HAVCR1: variants seen among roughly 807,000 people sequenced by gnomAD.
HAVCR1 encodes the protein T cell immunoglobin domain and mucin domain protein 1.
HAVCR1 carries 34 observed loss-of-function variants against 32.0 expected under a neutral mutation model. The ratio of observed to expected loss-of-function variants is 1.06; its 90% CI spans 0.81 to 1.42. The LOEUF (loss-of-function observed/expected upper bound fraction) is 1.42, where lower values mean the gene tolerates loss of function less well. HAVCR1 is among the 40% of genes most tolerant of loss of function. HAVCR1 has a pLI of 0.00. For missense variants in HAVCR1, 420 were observed against 442.3 expected (o/e 0.95, Z 0.45); for synonymous variants, 178 against 170.3 (o/e 1.05, Z -0.35).
intron 4 of HAVCR1, 84 bp from the exon 5 acceptor site, chr5:157,049,229 A>G: frequency 2.3e-6 from 2 of 886,848 alleles, no homozygotes; most frequent in Non-Finnish European, 3.8e-6. Context: ...AACTAGAATC[A>G]GGAATTACCA....
chr5:157,041,328 T>C (rs1046246341), intron 6 of HAVCR1, among the ~76,000 whole-genome samples: 1 of 151,914 alleles, frequency 6.6e-6, no homozygotes, highest in African/African-American at 2.4e-5. Flanking sequence ...TGAAACCTCA[T>C]CTCTACTAAA....
At chr5:157,057,384 GAGGAAAGAAAGAAAGAAAGAAAGAAA>G (rs1344030387) in intron 2 of HAVCR1, among the ~76,000 whole-genome samples, 37 of 121,538 alleles carry the variant, frequency 3.0e-4, no homozygotes, top group African/African-American at 1.2e-3. Flanking sequence ...GAGAGAGAGA[GAGGAAAGAAAGAAAGAAAGAAAGAAA>G]GAAAGAAAGA....
intron 3 of HAVCR1, among the ~76,000 whole-genome samples, chr5:157,054,366 T>C (rs993459240): frequency 6.6e-6 from 1 of 151,874 alleles, no homozygotes; most frequent in Non-Finnish European, 1.5e-5. Context: ...TAGCTGGGTA[T>C]GGTGGTGCCT....
At chr5:157,030,248 TAG>T (rs573570674) in intron 8 of HAVCR1, among the ~76,000 whole-genome samples, 2 of 152,182 alleles carry the variant, frequency 1.3e-5, no homozygotes, top group African/African-American at 2.4e-5. Context: ...TGTGATCCTT[TAG>T]AGAGGGTTGT....
At chr5:157,031,161 T>C (rs1194755250) in intron 8 of HAVCR1, among the ~76,000 whole-genome samples, 2 of 152,168 alleles carry the variant, frequency 1.3e-5, no homozygotes, top group Non-Finnish European at 2.9e-5. Context: ...TTCCAATCTG[T>C]AAAATGAGAA....
upstream of HAVCR1, among the ~76,000 whole-genome samples, chr5:157,061,703 C>CAAA (rs35095256): frequency 3.3e-3 from 490 of 146,926 alleles, 3 homozygotes; most frequent in South Asian, 0.02. Flanking sequence ...TGAGACTTCT[C>CAAA]AAAAAAAAAA....
At chr5:157,053,288 G>A (rs1755882990) in intron 3 of HAVCR1, among the ~76,000 whole-genome samples, 1 of 150,074 alleles carries the variant, frequency 6.7e-6, no homozygotes, top group African/African-American at 2.5e-5. Context: ...AAAGGCTGAG[G>A]CATAAGGATT....
intron 8 of HAVCR1, among the ~76,000 whole-genome samples, chr5:157,030,684 G>A (rs1754122899): frequency 6.6e-6 from 1 of 152,152 alleles, no homozygotes; most frequent in African/African-American, 2.4e-5. Context: ...AAATACAAGT[G>A]AGGGAAGAAA....
intron 5 of HAVCR1, among the ~76,000 whole-genome samples, chr5:157,044,509 A>AAGGAAGGG (rs1755174889): frequency 7.9e-6 from 1 of 126,376 alleles, no homozygotes; most frequent in African/African-American, 3.2e-5. Context: ...GGAAGGAAGG[A>AAGGAAGGG]GGAAGGAAGG....
chr5:157,055,313 A>G lies in HAVCR1; in HGVS notation c.267T>C (p.Ser89=), dbSNP rs1163484815. Residue 89 remains serine, a synonymous_variant, in exon 3 of 9, where the codon TCT becomes TCC. Transcript: ENST00000523175. ...LLGDLSRRDV[S]LTIENTAVSD... ...ACACAGCTGTATTTTCTATGGTCAA[A>G]GAGACATCCCTTCTTGAAAGGTCCC... The G allele has an allele frequency of 6.2e-7, 1 of 1,612,994 alleles. No homozygotes were observed. Among genetic ancestry groups the G allele is most frequent in the Non-Finnish European group, 8.5e-7 (1 of 1,179,034 alleles).
intron 3 of HAVCR1, among the ~76,000 whole-genome samples, chr5:157,053,640 C>A (rs919769055): frequency 2.6e-5 from 4 of 152,194 alleles, no homozygotes; most frequent in African/African-American, 9.6e-5. Context: ...GAGGCCGAGG[C>A]GGGTAGACTG....
intron 1 of HAVCR1, chr5:157,058,425 T>G (rs896785476): frequency 6.5e-6 from 1 of 154,152 alleles, no homozygotes; most frequent in Non-Finnish European, 1.4e-5. Flanking sequence ...TAGCCGGGCG[T>G]GGTCACTGGC....
At chr5:157,065,576 C>G in the HAVCR1 span, among the ~76,000 whole-genome samples, 2 of 151,998 alleles carry the variant, frequency 1.3e-5, no homozygotes, top group Non-Finnish European at 2.9e-5. Flanking sequence ...ATTTTAAGGC[C>G]GGGTGTGGCG....
chr5:157,042,441 CAAAAAA>C (rs144701880), intron 6 of HAVCR1, among the ~76,000 whole-genome samples, 180 bp downstream of exon 6: 3 of 113,314 alleles, frequency 2.6e-5, no homozygotes, highest in African/African-American at 6.7e-5. Flanking sequence ...GACTCCGTCT[CAAAAAA>C]AAAAAAAAAA....
At position 157,052,623 on chromosome 5, in the gene HAVCR1, A is replaced by C. The variant is rs1261408176; in HGVS notation, c.411T>G (p.Thr137=). Reference sequence around the variant, plus strand: ...TTCGAACAGTCGTGACGGTTGGAACAGTTGTGACAATTGGAGTAGTCGTGA... The same window carrying C: ...TTCGAACAGTCGTGACGGTTGGAACCGTTGTGACAATTGGAGTAGTCGTGA... ...PKVTTTPIVT[T]VPTVTTVRTS... The change falls in exon 4 of 9, where the codon ACT becomes ACG. Residue 137 remains threonine, a synonymous_variant. Coordinates refer to ENST00000523175, the MANE Select transcript of HAVCR1 (RefSeq NM_001173393.3). 1.2e-6 allele frequency: 2 copies of C among 1,614,046 alleles called. No individual in the cohort carries two copies. Among genetic ancestry groups the C allele is most frequent in the African/African-American group, 1.3e-5 (1 of 74,946 alleles).
At chr5:157,054,040 C>T (rs1275710709) in intron 3 of HAVCR1, among the ~76,000 whole-genome samples, 9 of 150,854 alleles carry the variant, frequency 6.0e-5, no homozygotes, top group Admixed American at 2.6e-4. Context: ...AAAAATTAGC[C>T]GGGCATGGTG....
chr5:157,042,783 G>A, intron 5 of HAVCR1, 101 bp from the exon 6 acceptor site: 1 of 724,932 alleles, frequency 1.4e-6, no homozygotes, highest in Non-Finnish European at 2.4e-6. Context: ...ATGAAAAGTT[G>A]AATGATAATA....
At chr5:157,042,988 C>T (rs1755004240) in intron 5 of HAVCR1, among the ~76,000 whole-genome samples, 1 of 152,098 alleles carries the variant, frequency 6.6e-6, no homozygotes, top group Non-Finnish European at 1.5e-5. Context: ...ATCACAGAAG[C>T]CCATTCATGG....
intron 8 of HAVCR1, 76 bp from the exon 9 acceptor site, chr5:157,029,917 T>A (rs886322901): frequency 1.7e-5 from 22 of 1,267,746 alleles, no homozygotes; most frequent in Non-Finnish European, 2.3e-5. Flanking sequence ...GCTGCACTTT[T>A]GTTTATGATC....
Sources: allele counts gnomAD v4.1 joint callset (sites outside exome capture counted in the v4.1 genomes callset), GRCh38; gene constraint gnomAD v4.1.1; transcripts MANE v1.5; gene names NCBI Gene and HGNC (gene_info 2026-07-23, HGNC 2026-07-21).